The following PCDHAC2 variants were observed in gnomAD, a reference collection of about 807,000 sequenced individuals.
PCDHAC2 encodes the protein protocadherin alpha subfamily C, 2.
PCDHAC2 carries 24 observed loss-of-function variants against 63.3 expected under a neutral mutation model. The ratio of observed to expected loss-of-function variants is 0.38; its 90% CI spans 0.27 to 0.53. PCDHAC2 has a LOEUF of 0.53. PCDHAC2 is among the 20% of genes least tolerant of loss of function. The pLI is 0.81. For synonymous variants in PCDHAC2, 569 were observed against 529.4 expected (o/e 1.07, Z -1.03); for missense variants, 1,181 against 1,275.2 (o/e 0.93, Z 1.12).
chr5:140,968,332 C>T lies in PCDHAC2; in HGVS notation c.1566C>T (p.Val522=), dbSNP rs2096240603. 2 of 1,614,158 alleles carry T rather than the reference C, an allele frequency of 1.2e-6. No individual in the cohort carries two copies. Among genetic ancestry groups the T allele is most frequent in the Non-Finnish European group, 1.7e-6 (2 of 1,180,026 alleles). ...AAGGGCTGCCAGTCACCTCCTATGT[C>T]TCCATTAACAGTGCCAGTGGCAGCC... is the stretch of plus-strand genomic sequence containing the variant. The part of the protein sequence containing the change: ...EIQGLPVTSY[V]SINSASGSLY... The change falls in exon 1 of 4, where the codon GTC becomes GTT. Residue 522 remains valine (V), a synonymous_variant. Coordinates refer to ENST00000289269, the MANE Select transcript of PCDHAC2 (RefSeq NM_018899.6).
At position 140,993,463 on chromosome 5, in the gene PCDHAC2, CA is replaced by C. The variant is rs1563591979; in HGVS notation, c.2713+10901del. ...ATTCCTGTTCTCCTTCTTTCTTTCTCACACACACACACACACACACACACAC... is the reference window on the plus strand; with the variant it reads ...ATTCCTGTTCTCCTTCTTTCTTTCTCCACACACACACACACACACACACAC... On this transcript the variant is annotated intron_variant, in intron 3 of 3. Coordinates refer to ENST00000289269, the MANE Select transcript of PCDHAC2 (RefSeq NM_018899.6). Among the ~76,000 whole-genome samples the C allele has an allele frequency of 9.6e-3, 73 of 7,582 alleles. 1 individual carries two copies. The highest frequency in any genetic ancestry group is 0.047 in the African/African-American group (71 of 1,514). 5.0% of individuals were successfully genotyped at this position (7,582 alleles called of 152,430 possible).
At chr5:141,002,702 G>A (rs2153975030) in intron 3 of PCDHAC2, among the ~76,000 whole-genome samples, 1 of 152,294 alleles carries the variant, frequency 6.6e-6, no homozygotes, top group South Asian at 2.1e-4. Context: ...GTTTAACTCT[G>A]TTGCACACAC....
rs782348275 is a variant in PCDHAC2 at position 140,967,589 on chromosome 5, T to C, written c.823T>C (p.Leu275=). 20 of 1,613,912 alleles carry C rather than the reference T, an allele frequency of 1.2e-5. No homozygotes were observed. The highest frequency in any genetic ancestry group is 1.2e-4 in the African/African-American group (9 of 74,896). ...QLREDSPPGT[L]VVKLNASDPD... is the part of the protein sequence containing the mutation. ...ACGGGAGGACTCACCCCCAGGCACATTGGTGGTGAAGCTGAATGCCTCAGA... is the reference window on the plus strand; with the variant it reads ...ACGGGAGGACTCACCCCCAGGCACACTGGTGGTGAAGCTGAATGCCTCAGA... Residue 275 remains leucine, a synonymous_variant, in exon 1 of 4, where the codon TTG becomes CTG. Coordinates refer to ENST00000289269, the MANE Select transcript of PCDHAC2 (RefSeq NM_018899.6).
rs782282264 is a variant in PCDHAC2, at chr5:141,009,955, A to C, written c.*18A>C. The C allele has an allele frequency of 6.3e-7, 1 of 1,592,536 alleles. No homozygotes were observed. The highest frequency in any genetic ancestry group is 2.2e-5 in the East Asian group (1 of 44,734). ...ACCAGTGAGGTCCTCAAATGGAAAC[A>C]AGCCACTTAGCCAGTTTTTGTAATA... is the stretch of plus-strand genomic sequence containing the variant. On this transcript the variant is annotated 3_prime_UTR_variant, in exon 4 of 4. Coordinates refer to ENST00000289269, the MANE Select transcript of PCDHAC2 (RefSeq NM_018899.6).
chr5:140,988,204 AG>A (rs2097287084), intron 3 of PCDHAC2, among the ~76,000 whole-genome samples: 1 of 152,100 alleles, frequency 6.6e-6, no homozygotes, highest in South Asian at 2.1e-4. Context: ...TATCCTTATT[AG>A]GAAAAAAAAA....
At chr5:140,996,123 G>A (rs1554255007) in intron 3 of PCDHAC2, among the ~76,000 whole-genome samples, 2 of 152,238 alleles carry the variant, frequency 1.3e-5, no homozygotes, top group African/African-American at 2.4e-5. Flanking sequence ...GCAGGGTGGT[G>A]TAGAGGGTTC....
At position 140,966,628 on chromosome 5, in the gene PCDHAC2, C is replaced by G. The variant is rs944715570; in HGVS notation, c.-139C>G. On this transcript the variant is annotated 5_prime_UTR_variant, in exon 1 of 4. Transcript: ENST00000289269. ...GGGAGGGCCTACGGAGGGAGCGGCC[C>G]CAGGCGCTTTCTAGAGCGTGAGCGG... 76 of 964,108 alleles carry G rather than the reference C, an allele frequency of 7.9e-5. No homozygotes were observed. The highest frequency in any genetic ancestry group is 1.0e-4 in the Non-Finnish European group (72 of 706,962). 59.7% of individuals were successfully genotyped at this position (964,108 alleles called of 1,614,324 possible).
At chr5:140,976,423 T>C (rs1378184646) in intron 1 of PCDHAC2, among the ~76,000 whole-genome samples, 22 of 151,886 alleles carry the variant, frequency 1.4e-4, no homozygotes, top group Admixed American at 1.3e-3. Context: ...CGGTGGCAGA[T>C]GCCTGTAATC....
Position 140,966,488 on chromosome 5 carries a change from C to A in PCDHAC2, c.-279C>A, listed in dbSNP as rs1161799910. 8 of 440,132 alleles carry A rather than the reference C, an allele frequency of 1.8e-5. No individual in the cohort carries two copies. Among genetic ancestry groups the A allele is most frequent in the Admixed American group, 8.7e-5 (2 of 23,002 alleles). The allele number at this position is 440,132 out of a possible 1,614,324, so 27.3% of individuals were successfully genotyped here. A position where few individuals can be genotyped will look rare whatever the true frequency, so the allele number is the denominator to read the frequency against. On this transcript the variant is annotated 5_prime_UTR_variant, in exon 1 of 4. Transcript: ENST00000289269. ...TCCCTTCTGTTTCCTTTTCCCTCCCCCTGGAGCTGTAGCGGCAGCAGCAGC... is the reference window on the plus strand; with the variant it reads ...TCCCTTCTGTTTCCTTTTCCCTCCCACTGGAGCTGTAGCGGCAGCAGCAGC...
chr5:140,980,359 C>T (rs369647369), intron 2 of PCDHAC2, among the ~76,000 whole-genome samples: 1 of 152,114 alleles, frequency 6.6e-6, no homozygotes. Context: ...GGACTGGGCG[C>T]GGTGGCTCAC....
Position 141,010,492 on chromosome 5 carries a change from C to T in PCDHAC2, c.*555C>T. 8.0e-6 allele frequency: 5 copies of T among 628,626 alleles called. No homozygotes were observed. 38.9% of individuals were successfully genotyped at this position (628,626 alleles called of 1,614,324 possible). On this transcript the variant is annotated 3_prime_UTR_variant, in exon 4 of 4. Coordinates refer to ENST00000289269, the MANE Select transcript of PCDHAC2 (RefSeq NM_018899.6). ...AGGGGAAGTGTAAACTTAAAGGGAC[C>T]AGACTTTCTAAATCTTACAACTCAA... is the stretch of plus-strand genomic sequence containing the variant.
At chr5:140,992,897 T>G (rs2097532683) in intron 3 of PCDHAC2, among the ~76,000 whole-genome samples, 2 of 152,156 alleles carry the variant, frequency 1.3e-5, no homozygotes, top group Admixed American at 1.3e-4. Flanking sequence ...GCTGGATATC[T>G]CCAAAGCTTA....
chr5:140,981,033 GA>G (rs148859655), intron 2 of PCDHAC2, among the ~76,000 whole-genome samples: 2 of 151,612 alleles, frequency 1.3e-5, no homozygotes, highest in Admixed American at 6.6e-5. Flanking sequence ...AATATTTGGG[GA>G]AAAAAAACAG....
chr5:140,998,594 T>A (rs1396456161), intron 3 of PCDHAC2, among the ~76,000 whole-genome samples: 4 of 152,076 alleles, frequency 2.6e-5, no homozygotes, highest in Non-Finnish European at 5.9e-5. Context: ...GACAGAGTTT[T>A]GCTCTTGTTG....
rs369053351 is a variant in PCDHAC2, at chr5:140,982,539, C to A, written c.2689C>A (p.Pro897Thr). ...AGPGGPDQQW[P>T]TVSSATPEPE... The stretch of plus-strand genomic sequence containing the variant: ...TCCAGGAGGGCCTGATCAGCAGTGG[C>A]CAACAGTATCCAGTGCAACACCAGG... Residue 897 changes from proline (P) to threonine (T), a missense_variant, in exon 3 of 4, where the codon CCA (proline) becomes ACA (threonine). By Grantham distance (38) the Pro-to-Thr change is conservative. Coordinates refer to ENST00000289269, the MANE Select transcript of PCDHAC2 (RefSeq NM_018899.6). 29 of 1,614,008 alleles carry A rather than the reference C, an allele frequency of 1.8e-5. No individual in the cohort carries two copies. The highest frequency in any genetic ancestry group is 2.2e-5 in the Non-Finnish European group (26 of 1,180,032).
At position 141,010,632 on chromosome 5, in the gene PCDHAC2, A is replaced by G. The variant is rs782191972; in HGVS notation, c.*695A>G. The G allele has an allele frequency of 1.6e-5, 3 of 185,902 alleles. No individual in the cohort carries two copies. Among genetic ancestry groups the G allele is most frequent in the Non-Finnish European group, 3.4e-5 (3 of 88,214 alleles). The allele number at this position is 185,902 out of a possible 1,614,324, so 11.5% of individuals were successfully genotyped here. On this transcript the variant is annotated 3_prime_UTR_variant, in exon 4 of 4. Coordinates refer to ENST00000289269, the MANE Select transcript of PCDHAC2 (RefSeq NM_018899.6). ...ACCTAAAATCTGCATCATACCTGCAAGCCAACAGTTCAGTGTTTTAACAGA... is the reference window on the plus strand; with the variant it reads ...ACCTAAAATCTGCATCATACCTGCAGGCCAACAGTTCAGTGTTTTAACAGA...
intron 2 of PCDHAC2, among the ~76,000 whole-genome samples, chr5:140,980,855 C>T (rs1313101029): frequency 2.6e-5 from 4 of 151,960 alleles, no homozygotes; most frequent in South Asian, 2.1e-4. Flanking sequence ...TAATCTTTTT[C>T]GTATGTGTGC....
chr5:141,002,335 ACC>A (rs1554258611), intron 3 of PCDHAC2, among the ~76,000 whole-genome samples: 81 of 152,230 alleles, frequency 5.3e-4, no homozygotes, highest in African/African-American at 2.0e-3. Flanking sequence ...CTGCATCCGC[ACC>A]CCTTCCCCCA....
chr5:140,978,875 T>A, intron 1 of PCDHAC2, 74 bp from the exon 2 acceptor site: 2 of 1,609,316 alleles, frequency 1.2e-6, no homozygotes, highest in Non-Finnish European at 1.7e-6. Flanking sequence ...AGGGAGTAAC[T>A]AATCAATTAG....
Sources: gnomAD v4.1 joint callset for allele counts (sites outside exome capture counted in the v4.1 genomes callset) on GRCh38, gnomAD v4.1.1 for gene constraint, MANE v1.5 for transcripts, NCBI Gene and HGNC (gene_info 2026-07-23, HGNC 2026-07-21) for gene names.